Variants in VCP observed in about 807,000 individuals in gnomAD.
The protein encoded by VCP is valosin containing protein, also known as transitional endoplasmic reticulum ATPase.
In VCP, 6 loss-of-function variants were observed where a neutral mutation model predicts 85.7. The ratio of observed to expected loss-of-function variants is 0.07; its 90% CI spans 0.04 to 0.14. The LOEUF is 0.14. Ranked by LOEUF, VCP falls within the 10% of genes least tolerant of loss-of-function variation. The probability of loss-of-function intolerance (pLI) is 1.00; values close to 1 mark genes in which losing one functional copy is unlikely to be tolerated. For missense variants in VCP, 353 were observed against 1,043.4 expected, an observed-to-expected ratio of 0.34 and a Z score of 9.12; for synonymous variants, 384 against 367.1, an observed-to-expected ratio of 1.05 and a Z score of -0.53.
At chr9:35,067,691 C>T (rs1235751079) in intron 3 of VCP, among the ~76,000 whole-genome samples, 200 bp downstream of exon 3, 1 of 152,154 alleles carries the variant, frequency 6.6e-6, no homozygotes, top group African/African-American at 2.4e-5. Context: ...AAGGGACCTG[C>T]AGAAATGGAT....
In VCP at chr9:35,056,689, A is replaced by G. The variant is rs940386227; in HGVS notation, c.*428T>C. ...AATAAATCAACCTACTCTCTATATA[A>G]ACATCCAGCAACTGTGGCCCCTACC... On this transcript the variant is annotated 3_prime_UTR_variant, in exon 17 of 17. Transcript: ENST00000358901. The G allele has an allele frequency of 7.8e-6, 2 of 255,228 alleles. No homozygotes were observed. The highest frequency in any genetic ancestry group is 1.6e-5 in the Non-Finnish European group (2 of 127,528). The allele number at this position is 255,228 out of a possible 1,614,324, so 15.8% of individuals were successfully genotyped here. A position where few individuals can be genotyped will look rare whatever the true frequency, so the allele number is the denominator to read the frequency against.
intron 1 of VCP, among the ~76,000 whole-genome samples, chr9:35,071,460 G>A (rs1054847269): frequency 1.3e-5 from 2 of 152,034 alleles, no homozygotes; most frequent in African/African-American, 4.8e-5. Context: ...GGGGAAAGGA[G>A]TGCGCGCACG....
chr9:35,063,188 A>G (rs1222055081), intron 6 of VCP, 108 bp from the exon 7 acceptor site: 12 of 949,026 alleles, frequency 1.3e-5, no homozygotes, highest in Admixed American at 9.0e-5. Context: ...CCCTGACAAT[A>G]TTAAGAATAA....
chr9:35,061,554 G>A, intron 10 of VCP, 23 bp downstream of exon 10: 1 of 1,606,014 alleles, frequency 6.2e-7, no homozygotes, highest in Non-Finnish European at 8.5e-7. Context: ...GTAACGCCTG[G>A]TCAGCCATCA....
intron 3 of VCP, 141 bp downstream of exon 3, chr9:35,067,750 C>G: frequency 8.9e-7 from 1 of 1,118,642 alleles, no homozygotes; most frequent in Admixed American, 2.0e-5. Context: ...AACCCTGAAG[C>G]ATAAGTCTTC....
rs1828872001 is a variant in VCP, at chr9:35,068,223, G to A, written c.129+28C>T. ...AAATCCCTCAAGTAAGTGCAGTAAG[G>A]AAAGACTAGTCTGTGGCCACAGCTT... On this transcript the variant is annotated intron_variant, in intron 2 of 16. Coordinates refer to ENST00000358901, the MANE Select transcript of VCP (RefSeq NM_007126.5). 4.3e-6 allele frequency: 7 copies of A among 1,610,946 alleles called. No individual in the cohort carries two copies. In the East Asian group the frequency reaches 1.6e-4, roughly 36 times the overall value.
rs781273474 is a variant in VCP, at chr9:35,064,238, G to C, written c.624C>G (p.Gly208=). The part of the protein sequence containing the change: ...LNEVGYDDIG[G]CRKQLAQIKE... ...TTATCTGAGCTAGCTGCTTCCTGCA[G>C]CCACCAATGTCATCATACCCTACTT... is the stretch of plus-strand genomic sequence containing the variant. The change falls in exon 6 of 17, where the codon GGC becomes GGG. Residue 208 remains glycine (G), a synonymous_variant. Coordinates refer to ENST00000358901, the MANE Select transcript of VCP (RefSeq NM_007126.5). The C allele has an allele frequency of 6.2e-6, 10 of 1,614,068 alleles. No individual in the cohort carries two copies. Among genetic ancestry groups the C allele is most frequent in the African/African-American group, 2.7e-5 (2 of 74,922 alleles).
In VCP at chr9:35,066,821, A is replaced by C. The variant is rs777107534; in HGVS notation, c.303-4T>G. 7 of 1,613,958 alleles carry C rather than the reference A, an allele frequency of 4.3e-6. No homozygotes were observed. The highest frequency in any genetic ancestry group is 5.9e-6 in the Non-Finnish European group (7 of 1,180,034). On this transcript the variant is annotated splice_polypyrimidine_tract_variant and splice_region_variant and intron_variant, in intron 3 of 16. Coordinates refer to ENST00000358901, the MANE Select transcript of VCP (RefSeq NM_007126.5). ...CACATCAGGGCATGGCTGGATGCTG[A>C]GGATGACAAGCAGACTCCATATTAC...
At chr9:35,061,542 C>T in intron 10 of VCP, 35 bp downstream of exon 10, 1 of 1,593,284 alleles carries the variant, frequency 6.3e-7, no homozygotes, top group Non-Finnish European at 8.6e-7. Context: ...CCTAGAGACA[C>T]TGTAACGCCT....
rs765086841 is a variant in VCP, at chr9:35,064,160, A to G, written c.702T>C (p.Gly234=). ...LRHPALFKAI[G]VKPPRGILLY... is the part of the protein sequence containing the mutation. Reference sequence around the variant, plus strand: ...CAGAGCCCAGGATGCTCACCTTCACACCAATTGCCTTAAAGAGGGCAGGAT... The same window carrying G: ...CAGAGCCCAGGATGCTCACCTTCACGCCAATTGCCTTAAAGAGGGCAGGAT... The change falls in exon 6 of 17, where the codon GGT becomes GGC. Residue 234 remains glycine, a synonymous_variant. Transcript: ENST00000358901. The G allele has an allele frequency of 5.0e-6, 8 of 1,614,054 alleles. No individual in the cohort carries two copies. In the East Asian group the frequency reaches 1.3e-4, roughly 27 times the overall value.
At chr9:35,064,647 G>A (rs114783706) in intron 5 of VCP, among the ~76,000 whole-genome samples, 2 of 152,184 alleles carry the variant, frequency 1.3e-5, no homozygotes, top group African/African-American at 2.4e-5. Context: ...TACTGAGAAG[G>A]GGTCTCTAAA....
intron 1 of VCP, chr9:35,071,827 C>A (rs983330054): frequency 8.1e-6 from 8 of 989,532 alleles, no homozygotes; most frequent in Admixed American, 1.2e-4. Context: ...CCTTCCCCGA[C>A]CCCGGGCTCC....
Position 35,059,321 on chromosome 9 carries a change from T to C in VCP, c.2005-102A>G, listed in dbSNP as rs1166985950. Reference sequence around the variant, plus strand: ...CTCCCAACTACAGTTTGCCCCTTCTTTGGCCACCCCATTTTATTCCTGATT... The same window carrying C: ...CTCCCAACTACAGTTTGCCCCTTCTCTGGCCACCCCATTTTATTCCTGATT... On this transcript the variant is annotated intron_variant, in intron 14 of 16. Coordinates refer to ENST00000358901, the MANE Select transcript of VCP (RefSeq NM_007126.5). This position sits in a 1 kb window ranked among gnomAD's most constrained non-coding sequence, Gnocchi z 4.9. The C allele has an allele frequency of 1.9e-6, 3 of 1,565,268 alleles. No individual in the cohort carries two copies. Among genetic ancestry groups the C allele is most frequent in the African/African-American group, 2.7e-5 (2 of 73,832 alleles).
intron 7 of VCP, among the ~76,000 whole-genome samples, chr9:35,062,567 T>A (rs1587123905): frequency 6.6e-6 from 1 of 152,082 alleles, no homozygotes; most frequent in East Asian, 1.9e-4. Context: ...CTTCTCACAG[T>A]TGAACTGTAA....
chr9:35,063,126 AC>A (rs952817943), intron 6 of VCP, 46 bp from the exon 7 acceptor site: 3 of 1,591,346 alleles, frequency 1.9e-6, no homozygotes, highest in Non-Finnish European at 2.6e-6. Flanking sequence ...CTTCTCCCAA[AC>A]CCTAAAATGG....
intron 1 of VCP, among the ~76,000 whole-genome samples, chr9:35,069,851 T>TA (rs1828905664): frequency 6.6e-6 from 1 of 152,130 alleles, no homozygotes; most frequent in African/African-American, 2.4e-5. Flanking sequence ...GCAAAGAAAA[T>TA]AAATTTTTAA....
intron 15 of VCP, among the ~76,000 whole-genome samples, chr9:35,058,650 C>T (rs1487677012): frequency 6.6e-6 from 1 of 152,146 alleles, no homozygotes; most frequent in African/African-American, 2.4e-5. Flanking sequence ...GCCTGTAGTC[C>T]CAGCTACTCG....
chr9:35,071,938 A>C (rs1828957243), intron 1 of VCP: 3 of 1,040,628 alleles, frequency 2.9e-6, no homozygotes, highest in Non-Finnish European at 3.5e-6. Flanking sequence ...CTCTCCGGGG[A>C]CCAAAGGCTT....
chr9:35,068,985 A>G (rs1178368314), intron 1 of VCP, among the ~76,000 whole-genome samples: 2 of 152,206 alleles, frequency 1.3e-5, no homozygotes, highest in Non-Finnish European at 2.9e-5. Flanking sequence ...GAATTAAGTA[A>G]GCCAGACAAC....
Sources: allele counts gnomAD v4.1 joint callset (sites outside exome capture counted in the v4.1 genomes callset), GRCh38; gene constraint gnomAD v4.1.1; non-coding constraint Gnocchi (gnomAD v3.1); transcripts MANE v1.5; gene names NCBI Gene and HGNC (gene_info 2026-07-23, HGNC 2026-07-21).